LINGO2: variants seen among roughly 807,000 people sequenced by gnomAD.
LINGO2 encodes the protein leucine-rich repeat and immunoglobulin-like domain-containing nogo receptor-interacting protein 2.
In LINGO2, 14 loss-of-function variants were observed where a neutral mutation model predicts 30.6. That is an observed-to-expected ratio of 0.46 (90% confidence interval 0.30 to 0.72). The LOEUF (loss-of-function observed/expected upper bound fraction) is 0.72. Among genes scored for constraint, LINGO2 ranks in the 30% least tolerant of loss-of-function variants. The pLI, the probability that LINGO2 is intolerant of heterozygous loss-of-function variation, is 0.07. For missense variants in LINGO2, 729 were observed against 751.7 expected, an observed-to-expected ratio of 0.97 and a Z score of 0.35; for synonymous variants, 317 against 288.5, an observed-to-expected ratio of 1.10 and a Z score of -1.00.
intron 2 of LINGO2, among the ~76,000 whole-genome samples, chr9:28,441,148 C>T (rs1048180406): frequency 3.3e-5 from 5 of 149,744 alleles, no homozygotes; most frequent in African/African-American, 1.2e-4. Flanking sequence ...TCACCAGTTG[C>T]TGAGGCACCT....
At chr9:28,697,167 G>A in the LINGO2 span, among the ~76,000 whole-genome samples, 10 of 152,026 alleles carry the variant, frequency 6.6e-5, no homozygotes, top group South Asian at 2.1e-4. Flanking sequence ...AACTCACAAG[G>A]CAACTAGAGT....
the LINGO2 span, among the ~76,000 whole-genome samples, chr9:28,853,695 T>C: frequency 6.6e-6 from 1 of 150,976 alleles, no homozygotes; most frequent in Admixed American, 6.6e-5. Flanking sequence ...GTGGCAGGAG[T>C]GAGAATTGCA....
chr9:28,331,703 A>G (rs1331922), intron 3 of LINGO2, among the ~76,000 whole-genome samples: 83,387 of 151,894 alleles, frequency 0.55, 23,047 homozygotes, highest in Admixed American at 0.58. Flanking sequence ...ACAGAGTTTC[A>G]CCATGTTGCC....
chr9:29,011,205 A>G, the LINGO2 span, among the ~76,000 whole-genome samples: 1 of 152,228 alleles, frequency 6.6e-6, no homozygotes, highest in African/African-American at 2.4e-5. Context: ...TATTAGAAGC[A>G]AAATTAAATG....
intron 1 of LINGO2, among the ~76,000 whole-genome samples, chr9:28,634,238 G>T (rs1827141872): frequency 6.6e-6 from 1 of 152,080 alleles, no homozygotes; most frequent in Admixed American, 6.6e-5. Flanking sequence ...AAACTAGCTA[G>T]TGATTTTCCT....
At chr9:28,766,232 T>A in the LINGO2 span, among the ~76,000 whole-genome samples, 1 of 152,034 alleles carries the variant, frequency 6.6e-6, no homozygotes, top group East Asian at 1.9e-4. Flanking sequence ...TGTAAGGAAC[T>A]CACATAACTT....
At chr9:29,041,735 C>A in the LINGO2 span, among the ~76,000 whole-genome samples, 506 of 151,938 alleles carry the variant, frequency 3.3e-3, 3 homozygotes, top group Middle Eastern at 0.014. Context: ...CTTCATAATC[C>A]AGGGATAAAA....
chr9:28,280,797 T>C (rs1006244961), intron 4 of LINGO2, among the ~76,000 whole-genome samples: 10 of 152,234 alleles, frequency 6.6e-5, no homozygotes, highest in South Asian at 2.1e-4. Flanking sequence ...GAGGCAAGCT[T>C]CGTAAGTGCA....
At chr9:28,773,701 A>T in the LINGO2 span, among the ~76,000 whole-genome samples, 9,436 of 152,256 alleles carry the variant, frequency 0.062, 388 homozygotes, top group Non-Finnish European at 0.083. Context: ...TTTGCTCTCA[A>T]TGAAAACTCA....
At chr9:29,110,125 C>A in the LINGO2 span, among the ~76,000 whole-genome samples, 1 of 152,014 alleles carries the variant, frequency 6.6e-6, no homozygotes, top group Non-Finnish European at 1.5e-5. Context: ...ATATGCAAGA[C>A]GTGCATGTGA....
At chr9:28,009,666 C>G (rs1281614313) in intron 5 of LINGO2, among the ~76,000 whole-genome samples, 1 of 152,116 alleles carries the variant, frequency 6.6e-6, no homozygotes, top group Non-Finnish European at 1.5e-5. Flanking sequence ...CAATGAAATA[C>G]TACTTCACAT....
chr9:28,856,905 T>C, the LINGO2 span, among the ~76,000 whole-genome samples: 9,269 of 152,066 alleles, frequency 0.061, 363 homozygotes, highest in Middle Eastern at 0.11. Context: ...AGATATGTAG[T>C]AAAAATTATC....
At chr9:28,075,739 T>C (rs1056738906) in intron 4 of LINGO2, among the ~76,000 whole-genome samples, 1 of 152,042 alleles carries the variant, frequency 6.6e-6, no homozygotes, top group East Asian at 1.9e-4. Context: ...CCTGTTTTTT[T>C]CTTTCAGGTT....
chr9:28,984,396 A>C, the LINGO2 span, among the ~76,000 whole-genome samples: 1 of 152,082 alleles, frequency 6.6e-6, no homozygotes, highest in African/African-American at 2.4e-5. Context: ...TTCACACTTA[A>C]AAAAATCTAC....
chr9:28,840,449 A>G, the LINGO2 span, among the ~76,000 whole-genome samples: 1 of 151,846 alleles, frequency 6.6e-6, no homozygotes, highest in Non-Finnish European at 1.5e-5. Context: ...CACCATCACC[A>G]TAACTTAAGA....
chr9:28,379,457 C>T (rs1464582338), intron 2 of LINGO2, among the ~76,000 whole-genome samples: 2 of 152,044 alleles, frequency 1.3e-5, no homozygotes, highest in Non-Finnish European at 2.9e-5. Flanking sequence ...ATACTCTGCT[C>T]CAATTGGTTA....
At position 27,949,418 on chromosome 9, in the gene LINGO2, C is replaced by T. The variant is rs754718931; in HGVS notation, c.1254G>A (p.Gln418=). ...TCTGCCCTTCATCTACTAGCAGATGCTGCAACTTCTTTTCACGGATTTTGG... is the reference window on the plus strand; with the variant it reads ...TCTGCCCTTCATCTACTAGCAGATGTTGCAACTTCTTTTCACGGATTTTGG... The change falls in exon 6 of 6, where the codon CAG becomes CAA. Residue 418 remains glutamine (Q), a synonymous_variant. Transcript: ENST00000379992. The T allele has an allele frequency of 8.7e-6, 14 of 1,613,972 alleles. No individual in the cohort carries two copies. In the South Asian group the frequency reaches 8.8e-5, roughly 10 times the overall value.
At chr9:28,402,383 G>A (rs946971693) in intron 2 of LINGO2, among the ~76,000 whole-genome samples, 1 of 152,062 alleles carries the variant, frequency 6.6e-6, no homozygotes, top group Admixed American at 6.6e-5. Flanking sequence ...CTAATGCAGA[G>A]TAGAAGATAA....
intron 2 of LINGO2, among the ~76,000 whole-genome samples, chr9:28,461,616 ACAGCTGATGCAT>A (rs1321195083): frequency 1.4e-4 from 22 of 152,280 alleles, no homozygotes; most frequent in Middle Eastern, 3.4e-3. Flanking sequence ...TCACTTCCCT[ACAGCTGATGCAT>A]CAGCTGATCT....
Sources: gnomAD v4.1 joint callset for allele counts (sites outside exome capture counted in the v4.1 genomes callset) on GRCh38, gnomAD v4.1.1 for gene constraint, MANE v1.5 for transcripts, NCBI Gene and HGNC (gene_info 2026-07-23, HGNC 2026-07-21) for gene names.